Variants in PPIP5K2 observed in about 807,000 individuals in gnomAD.
The protein encoded by PPIP5K2 is diphosphoinositol pentakisphosphate kinase 2, also known as inositol hexakisphosphate and diphosphoinositol-pentakisphosphate kinase 2.
PPIP5K2 carries 105 observed loss-of-function variants against 154.6 expected under a neutral mutation model. That is an observed-to-expected ratio of 0.68 (90% CI 0.58 to 0.80). PPIP5K2 has a LOEUF of 0.80. Among genes scored for constraint, PPIP5K2 ranks in the 30% least tolerant of loss-of-function variants. PPIP5K2 has a pLI of 0.00. For synonymous variants in PPIP5K2, 480 were observed against 490.3 expected, an observed-to-expected ratio of 0.98 and a Z score of 0.28; for missense variants, 992 against 1,504.6, an observed-to-expected ratio of 0.66 and a Z score of 5.64.
intron 17 of PPIP5K2, among the ~76,000 whole-genome samples, chr5:103,164,168 G>A (rs1262739911): frequency 6.6e-6 from 1 of 151,842 alleles, no homozygotes; most frequent in African/African-American, 2.4e-5. Flanking sequence ...TTTTTTAGAA[G>A]TTTGTTCATA....
intron 6 of PPIP5K2, among the ~76,000 whole-genome samples, chr5:103,147,038 A>G (rs1793862584): frequency 6.6e-6 from 1 of 151,944 alleles, no homozygotes. Flanking sequence ...AACTTTACGT[A>G]CATGAAAGTA....
intron 5 of PPIP5K2, among the ~76,000 whole-genome samples, chr5:103,140,725 T>A (rs1186315926): frequency 1.3e-5 from 2 of 150,236 alleles, no homozygotes; most frequent in Non-Finnish European, 3.0e-5. Context: ...TAGTCCCAGC[T>A]ACTCGGGAGG....
chr5:103,183,487 C>T (rs1053148083), intron 25 of PPIP5K2, 80 bp downstream of exon 25: 1 of 1,204,804 alleles, frequency 8.3e-7, no homozygotes, highest in Non-Finnish European at 1.2e-6. Context: ...GACATCTAAT[C>T]CCTTGTATTT....
At chr5:103,160,253 T>C (rs376657908) in intron 17 of PPIP5K2, among the ~76,000 whole-genome samples, 36 of 152,332 alleles carry the variant, frequency 2.4e-4, no homozygotes, top group Admixed American at 1.4e-3. Context: ...CTCCTTGATA[T>C]ACGATTTCAT....
At chr5:103,143,967 A>T (rs1470642686) in intron 5 of PPIP5K2, among the ~76,000 whole-genome samples, 1 of 152,176 alleles carries the variant, frequency 6.6e-6, no homozygotes, top group African/African-American at 2.4e-5. Flanking sequence ...AATAAAGGGC[A>T]TCCAAATTGA....
chr5:103,129,852 C>A, intron 2 of PPIP5K2, 149 bp downstream of exon 2: 2 of 1,138,384 alleles, frequency 1.8e-6, no homozygotes, highest in Non-Finnish European at 1.2e-6. Context: ...TATGATGAAT[C>A]AATAAATACA....
intron 29 of PPIP5K2, among the ~76,000 whole-genome samples, chr5:103,194,576 A>G (rs1051029274): frequency 6.6e-6 from 1 of 152,128 alleles, no homozygotes; most frequent in Non-Finnish European, 1.5e-5. Flanking sequence ...CAAGAAAACT[A>G]TGCCATTAGC....
intron 17 of PPIP5K2, among the ~76,000 whole-genome samples, chr5:103,160,017 A>T (rs1219941846): frequency 6.6e-6 from 1 of 152,112 alleles, no homozygotes; most frequent in Non-Finnish European, 1.5e-5. Flanking sequence ...GAGATTATAC[A>T]TATTTGTCAT....
chr5:103,194,801 A>G (rs1317740574), intron 29 of PPIP5K2, 99 bp from the exon 30 acceptor site: 1 of 1,309,442 alleles, frequency 7.6e-7, no homozygotes, highest in African/African-American at 1.5e-5. Flanking sequence ...GTTATTATGA[A>G]TATTCGTAGG....
At chr5:103,188,999 T>C in intron 28 of PPIP5K2, 2 of 514,478 alleles carry the variant, frequency 3.9e-6, no homozygotes, top group East Asian at 6.2e-5. Context: ...GTCCTATGAA[T>C]TGTCATTTGA....
chr5:103,132,492 G>A (rs1431773094), intron 2 of PPIP5K2, among the ~76,000 whole-genome samples: 7 of 152,122 alleles, frequency 4.6e-5, no homozygotes, highest in African/African-American at 1.7e-4. Flanking sequence ...GTTGCAGTGA[G>A]CTGAGATTGC....
Position 103,173,136 on chromosome 5 carries a change from T to A in PPIP5K2, c.2287-19T>A, listed in dbSNP as rs1554219975. The A allele has an allele frequency of 1.3e-6, 2 of 1,568,252 alleles. No homozygotes were observed. Among genetic ancestry groups the A allele is most frequent in the Non-Finnish European group, 8.6e-7 (1 of 1,158,754 alleles). ...TTGTCATTATATCCTTTTTCTAATGTCATGTATTTTTTGCTCAGGAATATG... is the reference window on the plus strand; with the variant it reads ...TTGTCATTATATCCTTTTTCTAATGACATGTATTTTTTGCTCAGGAATATG... On this transcript the variant is annotated intron_variant, in intron 19 of 30. Coordinates refer to ENST00000358359, the MANE Select transcript of PPIP5K2 (RefSeq NM_001276277.3).
At chr5:103,196,002 T>A (rs1468019848) in intron 30 of PPIP5K2, among the ~76,000 whole-genome samples, 1 of 152,180 alleles carries the variant, frequency 6.6e-6, no homozygotes, top group African/African-American at 2.4e-5. Flanking sequence ...AGTACCTTCT[T>A]CATATAACTG....
chr5:103,159,114 A>G (rs782474510), intron 16 of PPIP5K2, 32 bp from the exon 17 acceptor site: 1 of 1,407,886 alleles, frequency 7.1e-7, no homozygotes, highest in African/African-American at 1.5e-5. Flanking sequence ...TTAATTTTTT[A>G]AATTCGTGTT....
intron 21 of PPIP5K2, chr5:103,176,730 C>G: frequency 3.9e-6 from 2 of 515,448 alleles, no homozygotes; most frequent in Non-Finnish European, 6.8e-6. Flanking sequence ...TTAAGTAGAT[C>G]CTGTTAACTG....
At chr5:103,142,119 A>G (rs1458902440) in intron 5 of PPIP5K2, among the ~76,000 whole-genome samples, 1 of 152,148 alleles carries the variant, frequency 6.6e-6, no homozygotes, top group Admixed American at 6.5e-5. Flanking sequence ...GCCGCACAGG[A>G]GCCCATGGAG....
At chr5:103,182,973 G>A (rs1554223439) in intron 24 of PPIP5K2, among the ~76,000 whole-genome samples, 1 of 151,646 alleles carries the variant, frequency 6.6e-6, no homozygotes, top group African/African-American at 2.4e-5. Flanking sequence ...TGTCTTTTAA[G>A]GTAATAAAAT....
At chr5:103,165,598 C>T (rs1189717804) in intron 17 of PPIP5K2, among the ~76,000 whole-genome samples, 1 of 152,014 alleles carries the variant, frequency 6.6e-6, no homozygotes, top group Non-Finnish European at 1.5e-5. Flanking sequence ...GAAACAAGAA[C>T]AAACAGCAAA....
At chr5:103,124,227 C>A (rs956063518) in intron 1 of PPIP5K2, among the ~76,000 whole-genome samples, 44 of 149,090 alleles carry the variant, frequency 3.0e-4, no homozygotes, top group African/African-American at 1.0e-3. Context: ...TTGTAGTGAG[C>A]CGAGATCGTG....
Sources: gnomAD v4.1 joint callset for allele counts (sites outside exome capture counted in the v4.1 genomes callset) on GRCh38, gnomAD v4.1.1 for gene constraint, MANE v1.5 for transcripts, NCBI Gene and HGNC (gene_info 2026-07-23, HGNC 2026-07-21) for gene names.